HDAC9: variants seen among roughly 807,000 people sequenced by gnomAD.
HDAC9 encodes the protein histone deacetylase 9.
Under a neutral mutation model 139.4 loss-of-function variants are expected in HDAC9, and 41 were observed. The observed-to-expected ratio is 0.29, with a 90% CI of 0.23 to 0.38. HDAC9 has a LOEUF of 0.38. HDAC9 is among the 10% of genes least tolerant of loss of function. The pLI, the probability that HDAC9 is intolerant of heterozygous loss-of-function variation, is 1.00. For synonymous variants in HDAC9, 517 were observed against 476.2 expected (o/e 1.09, Z -1.12); for missense variants, 1,147 against 1,297.0 (o/e 0.88, Z 1.78).
chr7:18,471,771 G>A (rs1188842330), intron 1 of HDAC9, among the ~76,000 whole-genome samples: 2 of 152,180 alleles, frequency 1.3e-5, no homozygotes, highest in Admixed American at 1.3e-4. Flanking sequence ...TTTCTTGGCT[G>A]GTGGGTCAGG....
At chr7:18,483,913 C>T (rs1446171979) in intron 1 of HDAC9, among the ~76,000 whole-genome samples, 1 of 152,022 alleles carries the variant, frequency 6.6e-6, no homozygotes, top group Non-Finnish European at 1.5e-5. Flanking sequence ...ATTTGAATCA[C>T]ATACATTTAA....
At chr7:18,762,856 T>G (rs951407013) in intron 15 of HDAC9, among the ~76,000 whole-genome samples, 1 of 152,214 alleles carries the variant, frequency 6.6e-6, no homozygotes. Flanking sequence ...TATGATTTTT[T>G]GAAACTTTAT....
chr7:18,362,022 C>A (rs2128690439), intron 1 of HDAC9, among the ~76,000 whole-genome samples: 1 of 152,320 alleles, frequency 6.6e-6, no homozygotes, highest in Admixed American at 6.5e-5. Flanking sequence ...TAACTTACTG[C>A]TTTCCCTGCT....
chr7:18,259,162 G>A (rs2128205527), intron 2 of HDAC9, among the ~76,000 whole-genome samples: 1 of 151,810 alleles, frequency 6.6e-6, no homozygotes, highest in South Asian at 2.1e-4. Flanking sequence ...TAGAGATGGG[G>A]TTTCACCATG....
intron 1 of HDAC9, among the ~76,000 whole-genome samples, chr7:18,300,750 G>T (rs536449412): frequency 6.6e-6 from 1 of 152,188 alleles, no homozygotes; most frequent in South Asian, 2.1e-4. Flanking sequence ...TAGCAAAGCC[G>T]TATTTTGTCT....
chr7:18,218,242 G>C (rs1792449713), intron 2 of HDAC9, among the ~76,000 whole-genome samples: 1 of 152,062 alleles, frequency 6.6e-6, no homozygotes, highest in African/African-American at 2.4e-5. Context: ...CCAGGAGTTT[G>C]AGGCCAGCCT....
At chr7:18,549,651 T>C (rs1816424940) in intron 2 of HDAC9, among the ~76,000 whole-genome samples, 1 of 152,202 alleles carries the variant, frequency 6.6e-6, no homozygotes, top group Non-Finnish European at 1.5e-5. Flanking sequence ...GATGTAACCA[T>C]TGGGGAAAAC....
chr7:18,755,039 A>C (rs1482669349), intron 14 of HDAC9, among the ~76,000 whole-genome samples: 2 of 152,120 alleles, frequency 1.3e-5, no homozygotes, highest in Admixed American at 6.6e-5. Context: ...TAGTTTGCAA[A>C]AAAAAATTTT....
intron 1 of HDAC9, among the ~76,000 whole-genome samples, chr7:18,385,680 A>T (rs1328450350): frequency 6.6e-6 from 1 of 152,196 alleles, no homozygotes; most frequent in East Asian, 1.9e-4. Context: ...GCCATTTCTC[A>T]TAAATTGGCT....
intron 1 of HDAC9, among the ~76,000 whole-genome samples, chr7:18,292,573 C>G (rs1269177649): frequency 1.3e-5 from 2 of 151,810 alleles, no homozygotes; most frequent in African/African-American, 2.4e-5. Context: ...TGTGGAGTTA[C>G]CGCTGTAAAA....
At position 18,749,501 on chromosome 7, in the gene HDAC9, A is replaced by G. The variant is rs190562405; in HGVS notation, c.2043+363A>G. ...GTTATAAACTAAACTTTGGATTTAG[A>G]TATATGCCAATTTTGCCACATGGAA... On this transcript the variant is annotated intron_variant, in intron 14 of 25. Coordinates refer to ENST00000686413, the MANE Select transcript of HDAC9 (RefSeq NM_178425.4). Among the ~76,000 whole-genome samples, 135 of 152,318 alleles carry G rather than the reference A, an allele frequency of 8.9e-4. 1 individual carries two copies. Among genetic ancestry groups the G allele is most frequent in the African/African-American group, 3.1e-3 (129 of 41,574 alleles).
rs775994441 is a variant in HDAC9, at chr7:18,509,417, G to T, written c.22+13093G>T. 518 of 985,460 alleles carry T rather than the reference G, an allele frequency of 5.3e-4. 2 individuals carry two copies. The highest frequency in any genetic ancestry group is 4.5e-4 in the Non-Finnish European group (371 of 829,940). The allele number at this position is 985,460 out of a possible 1,614,324, so 61.0% of individuals were successfully genotyped here. A position where few individuals can be genotyped will look rare whatever the true frequency, so the allele number is the denominator to read the frequency against. ...GCCAAACTCCTGGCCAACGTGCTTT[G>T]TGGATTCACAGTGTAGCTTGAGAAA... On this transcript the variant is annotated intron_variant, in intron 2 of 25. Coordinates refer to ENST00000686413, the MANE Select transcript of HDAC9 (RefSeq NM_178425.4).
intron 19 of HDAC9, among the ~76,000 whole-genome samples, chr7:18,833,791 G>T (rs138726259): frequency 6.6e-6 from 1 of 152,126 alleles, no homozygotes; most frequent in South Asian, 2.1e-4. Context: ...AAGGATTATT[G>T]TATGTCTACA....
Position 18,879,541 on chromosome 7 carries a change from G to T in HDAC9, c.2803+4945G>T, listed in dbSNP as rs189122952. ...TGACTAACTGATCTTTGACAAAACT[G>T]CCAGAAACAAGCAATGGGGAGAAGA... On this transcript the variant is annotated intron_variant, in intron 22 of 25. Coordinates refer to ENST00000686413, the MANE Select transcript of HDAC9 (RefSeq NM_178425.4). 2.0e-5 allele frequency among the ~76,000 whole-genome samples: 3 copies of T among 152,144 alleles called. No homozygotes were observed. In the East Asian group the frequency reaches 5.8e-4, roughly 29 times the overall value.
intron 2 of HDAC9, among the ~76,000 whole-genome samples, chr7:18,551,539 G>A (rs1434264917): frequency 6.6e-6 from 1 of 152,156 alleles, no homozygotes; most frequent in Non-Finnish European, 1.5e-5. Flanking sequence ...CTGACAATGT[G>A]TGTCCTCTCA....
chr7:18,954,123 A>T, intron 23 of HDAC9, 23 bp from the exon 24 acceptor site: 5 of 1,491,116 alleles, frequency 3.4e-6, no homozygotes, highest in Non-Finnish European at 4.6e-6. Flanking sequence ...TTCTGCTCAT[A>T]CTATTATCTA....
At chr7:18,770,612 C>T (rs759697724) in intron 16 of HDAC9, among the ~76,000 whole-genome samples, 14 of 152,136 alleles carry the variant, frequency 9.2e-5, no homozygotes, top group South Asian at 6.2e-4. Context: ...CAGCTTCAAA[C>T]GCTTCTGCGG....
chr7:18,854,843 C>T (rs189220181), intron 21 of HDAC9, among the ~76,000 whole-genome samples: 26 of 152,164 alleles, frequency 1.7e-4, no homozygotes, highest in Admixed American at 1.3e-3. Context: ...GATTTTATCA[C>T]GGTCATTGAC....
At chr7:18,295,816 A>G (rs1798104704) in intron 1 of HDAC9, among the ~76,000 whole-genome samples, 3 of 152,120 alleles carry the variant, frequency 2.0e-5, no homozygotes, top group African/African-American at 7.2e-5. Context: ...GGCAGCAGGT[A>G]ATGTAGGGGG....
Sources: allele counts gnomAD v4.1 joint callset (sites outside exome capture counted in the v4.1 genomes callset), GRCh38; gene constraint gnomAD v4.1.1; transcripts MANE v1.5; gene names NCBI Gene and HGNC (gene_info 2026-07-23, HGNC 2026-07-21).